Variants in TIMM44 observed in about 807,000 individuals in gnomAD.
TIMM44 encodes the protein translocase of inner mitochondrial membrane 44, also known as mitochondrial import inner membrane translocase subunit TIM44.
In TIMM44, 37 loss-of-function variants were observed where a neutral mutation model predicts 63.8. That is an observed-to-expected ratio of 0.58 (90% CI 0.45 to 0.76). The LOEUF is 0.76. Ranked by LOEUF, TIMM44 falls within the 30% of genes least tolerant of loss-of-function variation. The probability of loss-of-function intolerance (pLI) is 0.00; values close to 1 mark genes in which losing one functional copy is unlikely to be tolerated. For synonymous variants in TIMM44, 239 were observed against 245.1 expected (o/e 0.98, Z 0.23); for missense variants, 573 against 603.8 (o/e 0.95, Z 0.54).
intron 2 of TIMM44, 109 bp from the exon 3 acceptor site, chr19:7,938,306 T>C (rs1308345475): frequency 6.2e-6 from 5 of 809,672 alleles, no homozygotes; most frequent in East Asian, 5.4e-5. Flanking sequence ...TTTCGGTTGA[T>C]ATACATTTAA....
chr19:7,939,291 A>C (rs1248054867), intron 2 of TIMM44, among the ~76,000 whole-genome samples: 1 of 152,132 alleles, frequency 6.6e-6, no homozygotes, highest in Non-Finnish European at 1.5e-5. Flanking sequence ...TGTAAACCTA[A>C]AACTGCTCAA....
intron 3 of TIMM44, 50 bp downstream of exon 3, chr19:7,937,977 C>T (rs377662430): frequency 1.1e-5 from 17 of 1,609,648 alleles, no homozygotes; most frequent in Non-Finnish European, 1.7e-6. Context: ...GAGATCGCAC[C>T]ACTACTCTCC....
Position 7,934,923 on chromosome 19 carries a change from A to G in TIMM44, c.393+142T>C. 1 of 751,206 alleles carries G rather than the reference A, an allele frequency of 1.3e-6. No homozygotes were observed. The highest frequency in any genetic ancestry group is 1.5e-5 in the South Asian group (1 of 66,420). 46.5% of individuals were successfully genotyped at this position (751,206 alleles called of 1,614,324 possible). On this transcript the variant is annotated intron_variant, in intron 4 of 12. Coordinates refer to ENST00000270538, the MANE Select transcript of TIMM44 (RefSeq NM_006351.4). The surrounding 1 kb of genome is among the most constrained non-coding windows in gnomAD (Gnocchi z 5.3). ...CCTGCATGTGCCGGGAACTCCTGAA[A>G]CCTTCCCGAGGGTGGCAGCACGCCC... is the stretch of plus-strand genomic sequence containing the variant.
intron 3 of TIMM44, 83 bp from the exon 4 acceptor site, chr19:7,935,228 C>T (rs1191940343): frequency 8.9e-6 from 11 of 1,239,940 alleles, no homozygotes; most frequent in East Asian, 5.0e-5. Context: ...TACAGTGGCA[C>T]GCTCTCGGCT....
rs1369738424 is a variant in TIMM44 at position 7,926,879 on chromosome 19, AGTCCCTG to A, written c.*301_*307del. 1 of 400,940 alleles carries A rather than the reference AGTCCCTG, an allele frequency of 2.5e-6. No individual in the cohort carries two copies. The highest frequency in any genetic ancestry group is 4.7e-6 in the Non-Finnish European group (1 of 211,836). The allele number at this position is 400,940 out of a possible 1,614,324, so 24.8% of individuals were successfully genotyped here. Reference sequence around the variant, plus strand: ...CCGGGTCCCACCCTGCTGTGGGGGGAGTCCCTGGGCCCTGGGGCCTCTTGGCACTGTG... The same window carrying A: ...CCGGGTCCCACCCTGCTGTGGGGGGAGGCCCTGGGGCCTCTTGGCACTGTG... On this transcript the variant is annotated 3_prime_UTR_variant, in exon 13 of 13. Transcript: ENST00000270538.
rs562598286 is a variant in TIMM44 at position 7,933,742 on chromosome 19, C to T, written c.683+122G>A. On this transcript the variant is annotated intron_variant, in intron 6 of 12. Transcript: ENST00000270538. The surrounding 1 kb of genome is among the most constrained non-coding windows in gnomAD (Gnocchi z 4.3). ...CCCTCAAATTCGAGGGAGCCGGGAA[C>T]CTTGGGCAGAAGGCAAACTCAAGAA... The T allele has an allele frequency of 1.3e-5, 19 of 1,503,528 alleles. No homozygotes were observed. In the African/African-American group the frequency reaches 2.3e-4, roughly 18 times the overall value. The allele number at this position is 1,503,528 out of a possible 1,614,324, so 93.1% of individuals were successfully genotyped here.
intron 3 of TIMM44, 28 bp downstream of exon 3, chr19:7,937,999 G>C (rs769887700): frequency 1.2e-6 from 2 of 1,613,286 alleles, no homozygotes; most frequent in East Asian, 2.2e-5. Context: ...GCCTGGGTGA[G>C]GGAAAAAAAA....
chr19:7,935,198 C>G, intron 3 of TIMM44, 53 bp from the exon 4 acceptor site: 2 of 1,433,424 alleles, frequency 1.4e-6, no homozygotes, highest in East Asian at 4.9e-5. Flanking sequence ...GAGACAATGT[C>G]TCCGTTGCCG....
chr19:7,935,225 G>T, intron 3 of TIMM44, 80 bp from the exon 4 acceptor site: 2 of 1,252,372 alleles, frequency 1.6e-6, no homozygotes, highest in Non-Finnish European at 2.2e-6. Context: ...GAGTACAGTG[G>T]CACGCTCTCG....
chr19:7,932,874 G>A lies in TIMM44; in HGVS notation c.828C>T (p.Ser276=). ...CGGTGACCTTGTCCGTAAGGGCCCG[G>A]GATGCCCGGATGAACGCGTTGTCGC... is the stretch of plus-strand genomic sequence containing the variant. ...DESDNAFIRA[S]RALTDKVTDL... Residue 276 remains serine, a synonymous_variant, in exon 8 of 13, where the codon TCC becomes TCT. Coordinates refer to ENST00000270538, the MANE Select transcript of TIMM44 (RefSeq NM_006351.4). 1 of 1,614,198 alleles carries A rather than the reference G, an allele frequency of 6.2e-7. No individual in the cohort carries two copies.
Position 7,933,720 on chromosome 19 carries a change from T to G in TIMM44, c.683+144A>C. 1 of 1,413,416 alleles carries G rather than the reference T, an allele frequency of 7.1e-7. No homozygotes were observed. The allele number at this position is 1,413,416 out of a possible 1,614,324, so 87.6% of individuals were successfully genotyped here. ...AGGACCCCGCCCTCACCTCTCACCC[T>G]CAAATTCGAGGGAGCCGGGAACCTT... On this transcript the variant is annotated intron_variant, in intron 6 of 12. Coordinates refer to ENST00000270538, the MANE Select transcript of TIMM44 (RefSeq NM_006351.4). The surrounding 1 kb of genome is among the most constrained non-coding windows in gnomAD (Gnocchi z 4.3).
At chr19:7,927,551 T>G in intron 12 of TIMM44, 106 bp downstream of exon 12, 1 of 1,242,964 alleles carries the variant, frequency 8.0e-7, no homozygotes, top group South Asian at 1.2e-5. Context: ...CCCCACCCAG[T>G]CCCAGAGCTT....
rs761625456 is a variant in TIMM44, at chr19:7,928,077, G to C, written c.1128C>G (p.Asp376Glu). 7 of 1,613,440 alleles carry C rather than the reference G, an allele frequency of 4.3e-6. No homozygotes were observed. The highest frequency in any genetic ancestry group is 5.9e-6 in the Non-Finnish European group (7 of 1,179,704). Residue 376 changes from aspartate to glutamate, a missense_variant and splice_region_variant, in exon 11 of 13, where the codon GAC becomes GAG. Asp to Glu is a conservative substitution (Grantham distance 45). Transcript: ENST00000270538. The stretch of plus-strand genomic sequence containing the variant: ...CGGGCCCCCACTGCGAGGTGCTTAC[G>C]TCGACGTTGTCAATGTCTAGGATGC... ...HSRILDIDNVDLAMGKMMEQG... is the reference protein window; with the variant it reads ...HSRILDIDNVELAMGKMMEQG...
At chr19:7,927,891 C>A in intron 11 of TIMM44, 124 bp from the exon 12 acceptor site, 1 of 1,159,948 alleles carries the variant, frequency 8.6e-7, no homozygotes, top group South Asian at 1.3e-5. Flanking sequence ...GCACCGGTCC[C>A]TCCCCGTGGG....
At chr19:7,935,003 G>T in intron 4 of TIMM44, 62 bp downstream of exon 4, 1 of 1,493,110 alleles carries the variant, frequency 6.7e-7, no homozygotes, top group Non-Finnish European at 9.2e-7. Flanking sequence ...TCTTCCTCCA[G>T]CCTCCAGCGG....
At chr19:7,935,470 T>TTG (rs1984126793) in intron 3 of TIMM44, among the ~76,000 whole-genome samples, 1 of 152,170 alleles carries the variant, frequency 6.6e-6, no homozygotes, top group African/African-American at 2.4e-5. Context: ...TGGCCAACCG[T>TTG]TGTGTCTTTA....
rs770493324 is a variant in TIMM44 at position 7,941,202 on chromosome 19, T to C, written c.46-5A>G. 9.3e-6 allele frequency: 15 copies of C among 1,608,114 alleles called. No individual in the cohort carries two copies. Among genetic ancestry groups the C allele is most frequent in the East Asian group, 2.2e-5 (1 of 44,834 alleles). ...GATTCCACTGCCGAGGCATCTCTAA[T>C]TGGGGGGAGAGAAGAGAAAGATCCA... On this transcript the variant is annotated splice_polypyrimidine_tract_variant and splice_region_variant and intron_variant, in intron 1 of 12. Coordinates refer to ENST00000270538, the MANE Select transcript of TIMM44 (RefSeq NM_006351.4).
chr19:7,927,368 G>GA, intron 12 of TIMM44, 62 bp from the exon 13 acceptor site: 1 of 1,589,910 alleles, frequency 6.3e-7, no homozygotes, highest in East Asian at 2.2e-5. Flanking sequence ...CAGCTCTGGG[G>GA]GGGGGCCAGG....
At chr19:7,936,651 CT>C (rs1984162389) in intron 3 of TIMM44, among the ~76,000 whole-genome samples, 1 of 152,206 alleles carries the variant, frequency 6.6e-6, no homozygotes. Flanking sequence ...GGCTTGGCAG[CT>C]GCTCAAGAAG....
Sources: allele counts gnomAD v4.1 joint callset (sites outside exome capture counted in the v4.1 genomes callset), GRCh38; gene constraint gnomAD v4.1.1; non-coding constraint Gnocchi (gnomAD v3.1); transcripts MANE v1.5; gene names NCBI Gene and HGNC (gene_info 2026-07-23, HGNC 2026-07-21).